The following MTPN variants were observed in gnomAD, a reference collection of about 807,000 sequenced individuals.
The protein encoded by MTPN is granule cell differentiation protein.
In MTPN, 2 loss-of-function variants were observed where a neutral mutation model predicts 13.5. That is an observed-to-expected ratio of 0.15 (90% CI 0.06 to 0.47). The LOEUF (loss-of-function observed/expected upper bound fraction) is 0.47. Among genes scored for constraint, MTPN ranks in the 20% least tolerant of loss-of-function variants. The pLI is 0.97. For synonymous variants in MTPN, 46 were observed against 51.7 expected (o/e 0.89, Z 0.48); for missense variants, 79 against 137.9 (o/e 0.57, Z 2.14).
chr7:135,963,073 A>T (rs1417766135), intron 1 of MTPN, among the ~76,000 whole-genome samples: 1 of 152,084 alleles, frequency 6.6e-6, no homozygotes, highest in African/African-American at 2.4e-5. Flanking sequence ...CATGTAAACT[A>T]AATATTGGAC....
intron 1 of MTPN, among the ~76,000 whole-genome samples, chr7:135,974,324 G>A (rs567041601): frequency 6.6e-6 from 1 of 152,070 alleles, no homozygotes; most frequent in Non-Finnish European, 1.5e-5. Context: ...CCAGAAGATC[G>A]CTTGAGGCTA....
intron 1 of MTPN, among the ~76,000 whole-genome samples, chr7:135,953,429 T>C (rs1799394683): frequency 6.6e-6 from 1 of 152,164 alleles, no homozygotes; most frequent in South Asian, 2.1e-4. Context: ...CCATCACCAT[T>C]AGATCTTGGG....
At chr7:135,932,112 A>G (rs1044331394) in intron 3 of MTPN, 2 of 152,140 alleles carry the variant, frequency 1.3e-5, no homozygotes, top group Non-Finnish European at 2.9e-5. Context: ...CCCCTTAACC[A>G]TTCCCAGGGT....
chr7:135,958,432 T>C (rs1799476103), intron 1 of MTPN, among the ~76,000 whole-genome samples: 1 of 152,190 alleles, frequency 6.6e-6, no homozygotes, highest in Admixed American at 6.5e-5. Flanking sequence ...TTAGGGTCTT[T>C]GAAAGTTATA....
intron 1 of MTPN, among the ~76,000 whole-genome samples, chr7:135,975,212 A>G (rs2116418904): frequency 6.6e-6 from 1 of 152,370 alleles, no homozygotes; most frequent in Non-Finnish European, 1.5e-5. Flanking sequence ...TTATTGGCAT[A>G]TATTTTCATA....
chr7:135,939,576 C>CGGGGGGGGGGG (rs71174561), intron 3 of MTPN, among the ~76,000 whole-genome samples: 1 of 4,730 alleles, frequency 2.1e-4, no homozygotes, highest in African/African-American at 4.8e-4. Flanking sequence ...AAAATGGGGG[C>CGGGGGGGGGGG]GGGGGGGGGG....
intron 1 of MTPN, among the ~76,000 whole-genome samples, chr7:135,970,292 T>C (rs1251608970): frequency 6.6e-6 from 1 of 152,214 alleles, no homozygotes; most frequent in Non-Finnish European, 1.5e-5. Context: ...ATTAATTACA[T>C]GGACCTGTTG....
intron 1 of MTPN, among the ~76,000 whole-genome samples, chr7:135,964,175 G>A (rs900228863): frequency 6.6e-6 from 1 of 151,784 alleles, no homozygotes; most frequent in Non-Finnish European, 1.5e-5. Flanking sequence ...GAGGAGAAAG[G>A]AACCAAATAT....
intron 1 of MTPN, among the ~76,000 whole-genome samples, chr7:135,957,165 A>G (rs1459101974): frequency 2.6e-5 from 4 of 152,238 alleles, no homozygotes; most frequent in Non-Finnish European, 5.9e-5. Flanking sequence ...TATATTCCAT[A>G]TATGTAATCT....
At chr7:135,958,614 T>C (rs1385383453) in intron 1 of MTPN, among the ~76,000 whole-genome samples, 2 of 152,204 alleles carry the variant, frequency 1.3e-5, no homozygotes, top group Non-Finnish European at 2.9e-5. Context: ...ATTCACTGTT[T>C]ACTAGTTATG....
chr7:135,949,362 A>G (rs1478379747), intron 3 of MTPN, among the ~76,000 whole-genome samples: 1 of 152,200 alleles, frequency 6.6e-6, no homozygotes, highest in East Asian at 1.9e-4. Flanking sequence ...AGAGAAAGAC[A>G]GTGACTGGAA....
chr7:135,941,879 T>C (rs1017926873), intron 3 of MTPN, among the ~76,000 whole-genome samples: 1 of 150,264 alleles, frequency 6.7e-6, no homozygotes, highest in Non-Finnish European at 1.5e-5. Flanking sequence ...GCTGTTATAT[T>C]ACTTTTTTTT....
chr7:135,935,162 T>G (rs752772553), intron 3 of MTPN, among the ~76,000 whole-genome samples: 1 of 152,182 alleles, frequency 6.6e-6, no homozygotes, highest in African/African-American at 2.4e-5. Context: ...ACTATTAAGA[T>G]TTCCCATCTG....
At chr7:135,932,781 G>A (rs1432523675) in intron 3 of MTPN, 2 of 151,812 alleles carry the variant, frequency 1.3e-5, no homozygotes, top group Non-Finnish European at 2.9e-5. Context: ...CCATCAAAAG[G>A]GATACAATAC....
chr7:135,970,205 C>T (rs1004930093), intron 1 of MTPN, among the ~76,000 whole-genome samples: 2 of 152,126 alleles, frequency 1.3e-5, no homozygotes, highest in Non-Finnish European at 2.9e-5. Context: ...ATGTGGAAAG[C>T]AAAGTGCAGA....
At chr7:135,930,509 G>A (rs1267667248) in intron 3 of MTPN, among the ~76,000 whole-genome samples, 1 of 152,176 alleles carries the variant, frequency 6.6e-6, no homozygotes, top group Non-Finnish European at 1.5e-5. Context: ...GTAAATGCCT[G>A]AGATGCGGAC....
intron 1 of MTPN, among the ~76,000 whole-genome samples, chr7:135,958,103 T>C (rs1385346619): frequency 2.6e-5 from 4 of 152,188 alleles, no homozygotes; most frequent in South Asian, 2.1e-4. Context: ...TAAATACTAT[T>C]GGTATTTTCC....
chr7:135,971,994 A>C (rs1330891241), intron 1 of MTPN, among the ~76,000 whole-genome samples: 1 of 152,182 alleles, frequency 6.6e-6, no homozygotes, highest in Non-Finnish European at 1.5e-5. Flanking sequence ...TGAGAGTTTA[A>C]GTTTACAGAG....
chr7:135,937,930 G>A (rs752875911), intron 3 of MTPN, among the ~76,000 whole-genome samples: 1 of 152,174 alleles, frequency 6.6e-6, no homozygotes, highest in Non-Finnish European at 1.5e-5. Context: ...TAACAATGAA[G>A]TATATAACTC....
Sources: allele counts gnomAD v4.1 joint callset (sites outside exome capture counted in the v4.1 genomes callset), GRCh38; gene constraint gnomAD v4.1.1; transcripts MANE v1.5; gene names NCBI Gene and HGNC (gene_info 2026-07-23, HGNC 2026-07-21).